Variants in DUSP16 observed in about 807,000 individuals in gnomAD.
The protein encoded by DUSP16 is dual specificity protein phosphatase 16.
In DUSP16, 21 loss-of-function variants were observed where a neutral mutation model predicts 58.3. That is an observed-to-expected ratio of 0.36 (90% CI 0.26 to 0.52). DUSP16 has a LOEUF of 0.52. Among genes scored for constraint, DUSP16 ranks in the 20% least tolerant of loss-of-function variants. The pLI is 0.94. For synonymous variants in DUSP16, 320 were observed against 323.8 expected, an observed-to-expected ratio of 0.99 and a Z score of 0.12; for missense variants, 726 against 819.0, an observed-to-expected ratio of 0.89 and a Z score of 1.39.
intron 5 of DUSP16, 103 bp from the exon 6 acceptor site, chr12:12,480,449 AC>A: frequency 1.5e-6 from 2 of 1,371,640 alleles, no homozygotes; most frequent in Admixed American, 2.1e-5. Flanking sequence ...GAAAACCTCT[AC>A]GCAAATCTCA....
chr12:12,561,370 T>C (rs1169213744), intron 1 of DUSP16, among the ~76,000 whole-genome samples: 2 of 152,220 alleles, frequency 1.3e-5, no homozygotes, highest in Non-Finnish European at 2.9e-5. Context: ...CTACTTGCCT[T>C]TTCTCTGGTT....
At position 12,562,776 on chromosome 12, in the gene DUSP16, C is replaced by T. The variant is rs986747081; in HGVS notation, c.-1025G>A. Reference sequence around the variant, plus strand: ...GCCGCGCGCTCGCCCATCCCGCGGCCGCCCGAGCCCGGAGCGCGGCTCCGC... The same window carrying T: ...GCCGCGCGCTCGCCCATCCCGCGGCTGCCCGAGCCCGGAGCGCGGCTCCGC... On this transcript the variant is annotated 5_prime_UTR_variant, in exon 1 of 7. Coordinates refer to ENST00000298573, the MANE Select transcript of DUSP16 (RefSeq NM_030640.3). Among the ~76,000 whole-genome samples, 1 of 151,378 alleles carries T rather than the reference C, an allele frequency of 6.6e-6. No homozygotes were observed.
intron 1 of DUSP16, 70 bp from the exon 2 acceptor site, chr12:12,521,533 G>C (rs1010269549): frequency 3.5e-5 from 22 of 633,066 alleles, no homozygotes; most frequent in Non-Finnish European, 4.4e-5. Context: ...TCAGATTAGA[G>C]AGAGTGTATG....
At chr12:12,502,569 GAGACGA>G (rs1377754318) in intron 3 of DUSP16, among the ~76,000 whole-genome samples, 1 of 57,482 alleles carries the variant, frequency 1.7e-5, no homozygotes, top group African/African-American at 6.8e-5. Context: ...TTTTTTTTTT[GAGACGA>G]AGTTTTGCTC....
At chr12:12,495,054 T>C (rs978399776) in intron 4 of DUSP16, among the ~76,000 whole-genome samples, 2 of 152,156 alleles carry the variant, frequency 1.3e-5, no homozygotes, top group African/African-American at 2.4e-5. Context: ...TCCGGTAGCT[T>C]TAATTTCCTC....
At chr12:12,518,093 C>T (rs1387100994) in intron 3 of DUSP16, among the ~76,000 whole-genome samples, 1 of 152,198 alleles carries the variant, frequency 6.6e-6, no homozygotes, top group Non-Finnish European at 1.5e-5. Flanking sequence ...TGAGCTCACT[C>T]CTCTGGGGGG....
At chr12:12,510,336 T>G (rs7308097) in intron 3 of DUSP16, among the ~76,000 whole-genome samples, 122,879 of 152,138 alleles carry the variant, frequency 0.81, 52,070 homozygotes, top group East Asian at 0.99. Context: ...TCTGGAGAAT[T>G]ATTCAAGAAT....
At chr12:12,520,062 T>TCC in intron 2 of DUSP16, 62 bp from the exon 3 acceptor site, 1 of 1,568,122 alleles carries the variant, frequency 6.4e-7, no homozygotes, top group Non-Finnish European at 8.8e-7. Context: ...AAACTACTGC[T>TCC]TAAGATCTCA....
At chr12:12,555,936 G>A (rs1386926734) in intron 1 of DUSP16, among the ~76,000 whole-genome samples, 5 of 152,184 alleles carry the variant, frequency 3.3e-5, no homozygotes, top group African/African-American at 9.7e-5. Flanking sequence ...AGCTATTTGG[G>A]AGGCTGAGGT....
intron 1 of DUSP16, among the ~76,000 whole-genome samples, chr12:12,523,568 C>A (rs1944263817): frequency 6.6e-6 from 1 of 152,198 alleles, no homozygotes; most frequent in Admixed American, 6.5e-5. Flanking sequence ...TTCCAAGAAA[C>A]AACTTTCATT....
At chr12:12,527,038 C>T (rs924968628) in intron 1 of DUSP16, among the ~76,000 whole-genome samples, 3 of 152,144 alleles carry the variant, frequency 2.0e-5, no homozygotes, top group Non-Finnish European at 2.9e-5. Flanking sequence ...GATCCCATAG[C>T]TATGGGGTGC....
chr12:12,525,635 G>C (rs560379998), intron 1 of DUSP16, among the ~76,000 whole-genome samples: 9 of 152,078 alleles, frequency 5.9e-5, no homozygotes, highest in African/African-American at 2.2e-4. Context: ...CACTTTGGAA[G>C]GCCAAGGCAG....
intron 4 of DUSP16, chr12:12,491,234 AGACACAGGG>A (rs1943756700): frequency 6.6e-6 from 1 of 151,420 alleles, no homozygotes; most frequent in African/African-American, 2.4e-5. Flanking sequence ...GGTGTTTTTA[AGACACAGGG>A]TCCCACCATG....
chr12:12,538,660 T>C (rs1944506986), intron 1 of DUSP16, among the ~76,000 whole-genome samples: 1 of 152,150 alleles, frequency 6.6e-6, no homozygotes, highest in Non-Finnish European at 1.5e-5. Context: ...AGAGTTGCCC[T>C]CACCAAAATG....
chr12:12,527,834 G>A (rs762965147), intron 1 of DUSP16, among the ~76,000 whole-genome samples: 10 of 152,064 alleles, frequency 6.6e-5, no homozygotes, highest in East Asian at 3.9e-4. Flanking sequence ...CAGTTGCCTC[G>A]CACTGACATA....
chr12:12,522,902 T>G (rs1447175409), intron 1 of DUSP16, among the ~76,000 whole-genome samples: 1 of 152,220 alleles, frequency 6.6e-6, no homozygotes, highest in Non-Finnish European at 1.5e-5. Flanking sequence ...TTATTATATT[T>G]CTTACTTCTA....
Position 12,477,934 on chromosome 12 carries a change from C to T in DUSP16, c.897G>A (p.Lys299=), listed in dbSNP as rs1333685230. Residue 299 remains lysine, a synonymous_variant, in exon 7 of 7, where the codon AAG becomes AAA. Transcript: ENST00000298573. This position sits in a 1 kb window ranked among gnomAD's most constrained non-coding sequence, Gnocchi z 4.1. ...TTGGCCCTGATGCTCCAGTCTGGTT[C>T]TTAATCTTCTTCTCATAGTCCAGGA... ...GQLLDYEKKI[K]NQTGASGPKS... 1 of 1,614,194 alleles carries T rather than the reference C, an allele frequency of 6.2e-7. No homozygotes were observed. Among genetic ancestry groups the T allele is most frequent in the Non-Finnish European group, 8.5e-7 (1 of 1,180,034 alleles).
At chr12:12,524,141 C>A (rs192164512) in intron 1 of DUSP16, among the ~76,000 whole-genome samples, 23 of 152,346 alleles carry the variant, frequency 1.5e-4, no homozygotes, top group South Asian at 2.1e-4. Flanking sequence ...AGACAGGTTA[C>A]AACAAACAGT....
chr12:12,500,482 TA>T, intron 4 of DUSP16, 36 bp downstream of exon 4: 1 of 1,571,878 alleles, frequency 6.4e-7, no homozygotes, highest in Non-Finnish European at 8.6e-7. Context: ...GCTAACAATA[TA>T]AACCCAGCAA....
Sources: gnomAD v4.1 joint callset for allele counts (sites outside exome capture counted in the v4.1 genomes callset) on GRCh38, gnomAD v4.1.1 for gene constraint, Gnocchi (gnomAD v3.1) non-coding constraint, MANE v1.5 for transcripts, NCBI Gene and HGNC (gene_info 2026-07-23, HGNC 2026-07-21) for gene names.